DAB2IP: variants seen among roughly 807,000 people sequenced by gnomAD.
DAB2IP encodes the protein disabled homolog 2-interacting protein.
DAB2IP carries 28 observed loss-of-function variants against 107.2 expected under a neutral mutation model. The ratio of observed to expected loss-of-function variants is 0.26; its 90% CI spans 0.19 to 0.36. The LOEUF is 0.36. DAB2IP is among the 10% of genes least tolerant of loss of function. The pLI is 1.00. For missense variants in DAB2IP, 1,400 were observed against 1,644.7 expected (o/e 0.85, Z 2.57); for synonymous variants, 755 against 706.4 (o/e 1.07, Z -1.09).
intron 1 of DAB2IP, among the ~76,000 whole-genome samples, chr9:121,669,923 G>A (rs1038209184): frequency 2.0e-5 from 3 of 152,056 alleles, no homozygotes; most frequent in East Asian, 1.9e-4. Flanking sequence ...CAGATCTTTC[G>A]TGTACATTGG....
chr9:121,750,018 AAG>A (rs2118929562), intron 3 of DAB2IP, among the ~76,000 whole-genome samples: 2 of 152,222 alleles, frequency 1.3e-5, no homozygotes, highest in Admixed American at 1.3e-4. Flanking sequence ...GAACAGACCA[AAG>A]AGGCATGAAC....
At chr9:121,598,255 C>G (rs548712724) in intron 1 of DAB2IP, 1 of 152,298 alleles carries the variant, frequency 6.6e-6, no homozygotes, top group African/African-American at 2.4e-5. Context: ...CGTGCAGGCC[C>G]GTCCCCAGCG....
In DAB2IP at chr9:121,736,543, G is replaced by A. The variant is rs891198766; in HGVS notation, c.363-20470G>A. Among the ~76,000 whole-genome samples the A allele has an allele frequency of 6.6e-6, 1 of 151,496 alleles. No homozygotes were observed. Among genetic ancestry groups the A allele is most frequent in the Non-Finnish European group, 1.5e-5 (1 of 67,774 alleles). ...GAAGGGCTGGGCCTACTGCTGTGGG[G>A]TGGGGGGCGGGTGGGAGGGCCCGGA... On this transcript the variant is annotated intron_variant, in intron 3 of 15. Coordinates refer to ENST00000408936, the Ensembl canonical transcript of DAB2IP. The surrounding 1 kb of genome is among the most constrained non-coding windows in gnomAD (Gnocchi z 4.6).
chr9:121,611,555 C>G (rs1434237729), intron 1 of DAB2IP, among the ~76,000 whole-genome samples: 2 of 152,128 alleles, frequency 1.3e-5, no homozygotes, highest in East Asian at 3.9e-4. Flanking sequence ...GATAATAATA[C>G]CTATTTTTTA....
intron 1 of DAB2IP, among the ~76,000 whole-genome samples, chr9:121,654,092 G>A (rs1832876670): frequency 6.6e-6 from 1 of 152,206 alleles, no homozygotes; most frequent in Non-Finnish European, 1.5e-5. Flanking sequence ...TGTGGTCAAT[G>A]GGGCTAGCAG....
chr9:121,692,889 G>A (rs567330990), intron 2 of DAB2IP, among the ~76,000 whole-genome samples: 1 of 152,360 alleles, frequency 6.6e-6, no homozygotes, highest in African/African-American at 2.4e-5. Flanking sequence ...GAGGGCAGGA[G>A]GAATGACGCA....
chr9:121,711,484 C>T (rs1830334760), intron 3 of DAB2IP, among the ~76,000 whole-genome samples: 1 of 152,194 alleles, frequency 6.6e-6, no homozygotes, highest in African/African-American at 2.4e-5. Flanking sequence ...TTTGTTTAAT[C>T]CAGGGTTTCC....
chr9:121,707,929 C>T (rs1238224364), intron 3 of DAB2IP, among the ~76,000 whole-genome samples: 2 of 152,150 alleles, frequency 1.3e-5, no homozygotes, highest in Non-Finnish European at 2.9e-5. Flanking sequence ...CACATTTCGT[C>T]AGGAAACTAA....
At chr9:121,783,431 C>G (rs150643197) in exon 16 of DAB2IP, 1 of 1,608,460 alleles carries the variant, frequency 6.2e-7, no homozygotes, top group Non-Finnish European at 8.5e-7. Context: ...GGTGCTCACC[C>G]TGAAAGAAAA....
exon 1 of DAB2IP, chr9:121,567,156 CA>C (rs1367243013): frequency 1.2e-6 from 2 of 1,613,784 alleles, no homozygotes; most frequent in Non-Finnish European, 1.7e-6. Context: ...GTTCATAAAT[CA>C]GGTGGGGCCA....
intron 1 of DAB2IP, among the ~76,000 whole-genome samples, chr9:121,616,841 C>G (rs1831296691): frequency 6.6e-6 from 1 of 152,174 alleles, no homozygotes; most frequent in Admixed American, 6.5e-5. Flanking sequence ...AGCAGCGGCT[C>G]CCAGTTGGCT....
At chr9:121,655,537 T>C (rs1832935806) in intron 1 of DAB2IP, among the ~76,000 whole-genome samples, 1 of 152,172 alleles carries the variant, frequency 6.6e-6, no homozygotes, top group Admixed American at 6.5e-5. Context: ...GGAGGCCAGC[T>C]TGTTGGGGTG....
At chr9:121,650,912 G>C (rs10818577), upstream of DAB2IP, among the ~76,000 whole-genome samples, 28,361 of 152,108 alleles carry the variant, frequency 0.19, 3,256 homozygotes, top group South Asian at 0.33. Flanking sequence ...CAAATAACAA[G>C]GATGTTTAGA....
At chr9:121,636,130 G>A (rs912879087) in intron 1 of DAB2IP, among the ~76,000 whole-genome samples, 1 of 152,140 alleles carries the variant, frequency 6.6e-6, no homozygotes, top group Non-Finnish European at 1.5e-5. Flanking sequence ...CTGGTTTCGA[G>A]TTCCTGAGCT....
intron 1 of DAB2IP, among the ~76,000 whole-genome samples, chr9:121,666,040 T>C (rs1184278179): frequency 2.6e-5 from 4 of 152,224 alleles, no homozygotes; most frequent in African/African-American, 9.6e-5. Context: ...TCTGAAATCA[T>C]TTTCGCTGGG....
At chr9:121,628,686 G>A (rs1564120865) in intron 1 of DAB2IP, among the ~76,000 whole-genome samples, 2 of 152,200 alleles carry the variant, frequency 1.3e-5, no homozygotes, top group Non-Finnish European at 2.9e-5. Context: ...GGCAGGGGCA[G>A]GGGAGGGAAA....
intron 3 of DAB2IP, among the ~76,000 whole-genome samples, chr9:121,721,880 G>A (rs940714196): frequency 6.6e-6 from 1 of 152,186 alleles, no homozygotes; most frequent in Non-Finnish European, 1.5e-5. Context: ...CATTTTCAGG[G>A]CAGCTGGGAA....
chr9:121,674,149 A>G (rs989893081), intron 1 of DAB2IP, among the ~76,000 whole-genome samples: 2 of 152,202 alleles, frequency 1.3e-5, no homozygotes, highest in Non-Finnish European at 2.9e-5. Flanking sequence ...AGATAGGGTC[A>G]TCCCGATGGT....
chr9:121,774,392 G>A (rs764516491), exon 13 of DAB2IP: 19 of 1,611,522 alleles, frequency 1.2e-5, no homozygotes, highest in Middle Eastern at 1.6e-4. Flanking sequence ...GAGTAAGGAC[G>A]AGCTCAGCCA....
Sources: allele counts gnomAD v4.1 joint callset (sites outside exome capture counted in the v4.1 genomes callset), GRCh38; gene constraint gnomAD v4.1.1; non-coding constraint Gnocchi (gnomAD v3.1); transcripts MANE v1.5; gene names NCBI Gene and HGNC (gene_info 2026-07-23, HGNC 2026-07-21).